The following NEO1 variants were observed in gnomAD, a reference collection of about 807,000 sequenced individuals.
The protein encoded by NEO1 is neogenin 1, also known as neogenin.
A neutral mutation model predicts 159.7 loss-of-function variants in NEO1; 63 were observed. The observed-to-expected ratio is 0.39, with a 90% CI of 0.32 to 0.49. The LOEUF (loss-of-function observed/expected upper bound fraction) is 0.49, where lower values mean the gene tolerates loss of function less well. Among genes scored for constraint, NEO1 ranks in the 20% least tolerant of loss-of-function variants. The pLI is 0.85. For missense variants in NEO1, 1,615 were observed against 1,831.0 expected (o/e 0.88, Z 2.15); for synonymous variants, 633 against 662.0 (o/e 0.96, Z 0.67).
intron 7 of NEO1, among the ~76,000 whole-genome samples, chr15:73,223,396 A>G (rs773295959): frequency 6.6e-5 from 10 of 152,074 alleles, no homozygotes; most frequent in Non-Finnish European, 1.3e-4. Flanking sequence ...GTCCCCCACT[A>G]TTATTTTGTT....
intron 7 of NEO1, among the ~76,000 whole-genome samples, chr15:73,193,527 G>A (rs1221783190): frequency 1.3e-5 from 2 of 150,564 alleles, no homozygotes; most frequent in Admixed American, 1.3e-4. Context: ...AGTCTTTTAA[G>A]TCAGTATAAA....
intron 14 of NEO1, 115 bp from the exon 15 acceptor site, chr15:73,260,156 G>T (rs557734128): frequency 1.0e-5 from 8 of 789,516 alleles, no homozygotes; most frequent in East Asian, 2.8e-5. Context: ...TGGGCATAAT[G>T]TAAAAAACTT....
At chr15:73,166,919 T>A (rs1266530152) in intron 5 of NEO1, among the ~76,000 whole-genome samples, 1 of 151,920 alleles carries the variant, frequency 6.6e-6, no homozygotes. Context: ...ATGTGGCACA[T>A]ATACACCATG....
intron 21 of NEO1, among the ~76,000 whole-genome samples, chr15:73,275,363 A>T (rs1362450317): frequency 6.6e-6 from 1 of 152,148 alleles, no homozygotes; most frequent in Non-Finnish European, 1.5e-5. Flanking sequence ...TGAAATAAAA[A>T]CTTAGGCCAC....
Position 73,234,177 on chromosome 15 carries a change from C to G in NEO1, c.1292-2170C>G, listed in dbSNP as rs76264844. Among the ~76,000 whole-genome samples, 1,309 of 152,286 alleles carry G rather than the reference C, an allele frequency of 8.6e-3. 23 individuals are homozygous for G. The highest frequency in any genetic ancestry group is 0.03 in the African/African-American group (1,237 of 41,562). ...TGGACATGCAAATGAGGCTGCAAAGCAAGACTGTTCAGGCTACTTTTTGAA... is the reference window on the plus strand; with the variant it reads ...TGGACATGCAAATGAGGCTGCAAAGGAAGACTGTTCAGGCTACTTTTTGAA... On this transcript the variant is annotated intron_variant, in intron 7 of 28. Transcript: ENST00000261908.
intron 7 of NEO1, among the ~76,000 whole-genome samples, chr15:73,186,994 AC>A (rs2035969581): frequency 6.6e-6 from 1 of 152,236 alleles, no homozygotes; most frequent in South Asian, 2.1e-4. Flanking sequence ...ATAGTTGATA[AC>A]ATGAAATTTA....
At position 73,270,072 on chromosome 15, in the gene NEO1, C is replaced by G. The variant is rs981077852; in HGVS notation, c.2557C>G (p.Pro853Ala). 6.2e-7 allele frequency: 1 copy of G among 1,614,068 alleles called. No individual in the cohort carries two copies. Among genetic ancestry groups the G allele is most frequent in the African/African-American group, 1.3e-5 (1 of 74,920 alleles). Residue 853 changes from proline to alanine, a missense_variant, in exon 17 of 29, where the codon CCC (proline) becomes GCC (alanine). By Grantham distance (27) the Pro-to-Ala change is conservative. Transcript: ENST00000261908. ...APYTPVPDPT[P>A]MMPPVGVQAS... ...ATACACTCCAGTGCCAGATCCCACT[C>G]CCATGATGCCACCAGTGGGAGTTCA...
At chr15:73,268,378 A>G (rs902547513) in intron 16 of NEO1, among the ~76,000 whole-genome samples, 24 of 152,240 alleles carry the variant, frequency 1.6e-4, no homozygotes, top group Non-Finnish European at 2.8e-4. Flanking sequence ...CATGTAATCT[A>G]GATATGTTTT....
At chr15:73,114,822 A>G (rs977575807) in intron 1 of NEO1, among the ~76,000 whole-genome samples, 2 of 152,192 alleles carry the variant, frequency 1.3e-5, no homozygotes, top group South Asian at 2.1e-4. Context: ...TAATAGTTAC[A>G]TAGTAAAGAT....
At chr15:73,255,112 G>A (rs1371395568) in intron 13 of NEO1, among the ~76,000 whole-genome samples, 4 of 151,926 alleles carry the variant, frequency 2.6e-5, no homozygotes, top group Admixed American at 1.3e-4. Flanking sequence ...TTGCTTTTTT[G>A]TAATCTTAAA....
At chr15:73,274,049 T>C in intron 20 of NEO1, 44 bp downstream of exon 20, 1 of 1,568,546 alleles carries the variant, frequency 6.4e-7, no homozygotes, top group Admixed American at 1.7e-5. Flanking sequence ...GTCTCTTTAG[T>C]GGGGCTATGC....
At chr15:73,094,042 G>A (rs889996163) in intron 1 of NEO1, among the ~76,000 whole-genome samples, 26 of 152,174 alleles carry the variant, frequency 1.7e-4, no homozygotes, top group African/African-American at 6.3e-4. Flanking sequence ...ATTCCTTCAA[G>A]GAGCCCTGGT....
At chr15:73,191,179 C>A (rs889279852) in intron 7 of NEO1, among the ~76,000 whole-genome samples, 4 of 152,016 alleles carry the variant, frequency 2.6e-5, no homozygotes, top group Non-Finnish European at 4.4e-5. Context: ...TGTCCCAGTC[C>A]CACTGTGGAT....
At chr15:73,059,522 C>G (rs2067876901) in intron 1 of NEO1, among the ~76,000 whole-genome samples, 1 of 152,270 alleles carries the variant, frequency 6.6e-6, no homozygotes, top group African/African-American at 2.4e-5. Context: ...ATGCACAAAA[C>G]TACACTGTGG....
chr15:73,283,803 G>A (rs2041830435), intron 23 of NEO1, among the ~76,000 whole-genome samples: 1 of 152,214 alleles, frequency 6.6e-6, no homozygotes, highest in Non-Finnish European at 1.5e-5. Context: ...CTTACAGGCT[G>A]TGTCACAGCA....
rs1253783310 is a variant in NEO1 at position 73,116,836 on chromosome 15, A to G, written c.427A>G (p.Thr143Ala). 6.4e-7 allele frequency: 1 copy of G among 1,563,896 alleles called. No homozygotes were observed. The highest frequency in any genetic ancestry group is 1.4e-5 in the African/African-American group (1 of 72,194). The change falls in exon 2 of 29, where the codon ACA becomes GCA. Residue 143 changes from threonine to alanine, a missense_variant. Physicochemically the swap from Thr to Ala is moderately conservative, Grantham distance 58. Around this residue, in one of 3 missense-constraint regions of NEO1, gnomAD observed 1,018 missense variants for 1,115.4 expected, o/e 0.91. Coordinates refer to ENST00000261908, the MANE Select transcript of NEO1 (RefSeq NM_002499.4). The part of the protein sequence containing the change: ...VESLGTIISR[T>A]AKLIVAGLPR... Reference sequence around the variant, plus strand: ...GAGTCTTGGAACTATTATCAGTAGAACAGCGAAGCTCATAGTAGCAGGTAA... The same window carrying G: ...GAGTCTTGGAACTATTATCAGTAGAGCAGCGAAGCTCATAGTAGCAGGTAA...
intron 2 of NEO1, among the ~76,000 whole-genome samples, chr15:73,120,231 A>G (rs2151638290): frequency 6.6e-6 from 1 of 152,038 alleles, no homozygotes; most frequent in South Asian, 2.1e-4. Flanking sequence ...CCTTTCCCCA[A>G]CTTGATCAAA....
chr15:73,257,958 G>A (rs2040446475), intron 13 of NEO1, among the ~76,000 whole-genome samples: 1 of 152,146 alleles, frequency 6.6e-6, no homozygotes, highest in African/African-American at 2.4e-5. Flanking sequence ...TCCTTGCTTT[G>A]TGGGGCACAC....
At chr15:73,181,982 G>GAA (rs777850876) in intron 7 of NEO1, among the ~76,000 whole-genome samples, 2 of 151,604 alleles carry the variant, frequency 1.3e-5, no homozygotes, top group Admixed American at 1.3e-4. Flanking sequence ...ATTTACAAAA[G>GAA]AGATTTAATG....
Sources: allele counts gnomAD v4.1 joint callset (sites outside exome capture counted in the v4.1 genomes callset), GRCh38; gene constraint gnomAD v4.1.1; regional missense constraint gnomAD v4.1.1; transcripts MANE v1.5; gene names NCBI Gene and HGNC (gene_info 2026-07-23, HGNC 2026-07-21).